FARS2: variants seen among roughly 807,000 people sequenced by gnomAD.
FARS2 encodes the protein phenylalanine--tRNA ligase, mitochondrial.
A neutral mutation model predicts 46.4 loss-of-function variants in FARS2; 40 were observed. The ratio of observed to expected loss-of-function variants is 0.86; its 90% CI spans 0.67 to 1.12. The LOEUF is 1.12. Ranked by LOEUF, FARS2 falls within the 50% of genes most tolerant of loss-of-function variation. The probability of loss-of-function intolerance (pLI) is 0.00; values close to 1 mark genes in which losing one functional copy is unlikely to be tolerated. For synonymous variants in FARS2, 234 were observed against 214.9 expected, an observed-to-expected ratio of 1.09 and a Z score of -0.78; for missense variants, 513 against 567.9, an observed-to-expected ratio of 0.90 and a Z score of 0.98.
rs568922292 is a variant in FARS2 at position 5,325,689 on chromosome 6, T to G, written c.-21-42861T>G. Among the ~76,000 whole-genome samples the G allele has an allele frequency of 1.1e-4, 16 of 152,352 alleles. No homozygotes were observed. The South Asian group carries it at 3.1e-3, about 30-fold the overall frequency. On this transcript the variant is annotated intron_variant, in intron 1 of 6. Coordinates refer to ENST00000274680, the MANE Select transcript of FARS2 (RefSeq NM_006567.5). ...TACTTGTTTATGAACATGCTTCAAT[T>G]TATCCTTTTTGATGAAAATTTTAAA...
chr6:5,532,019 T>C (rs1647349536), intron 4 of FARS2, among the ~76,000 whole-genome samples: 1 of 152,238 alleles, frequency 6.6e-6, no homozygotes, highest in African/African-American at 2.4e-5. Context: ...TTTGTGTGTA[T>C]ATTACAGTCA....
At chr6:5,377,753 C>G (rs1759476099) in intron 2 of FARS2, among the ~76,000 whole-genome samples, 1 of 152,080 alleles carries the variant, frequency 6.6e-6, no homozygotes, top group Non-Finnish European at 1.5e-5. Flanking sequence ...TTAAAGAGCT[C>G]TCCTCTGTTC....
chr6:5,387,094 G>C (rs139587182), intron 2 of FARS2, among the ~76,000 whole-genome samples: 1 of 152,184 alleles, frequency 6.6e-6, no homozygotes, highest in Non-Finnish European at 1.5e-5. Flanking sequence ...GGGGATAGTT[G>C]CAGCATGGTC....
intron 1 of FARS2, among the ~76,000 whole-genome samples, chr6:5,341,221 ATATATATATATATATTTTT>A (rs1487359228): frequency 1.0e-3 from 5 of 4,996 alleles, no homozygotes; most frequent in African/African-American, 1.6e-3. Flanking sequence ...ATATATATAT[ATATATATATATATATTTTT>A]TTTTTTTTTT....
rs398000284 is a variant in FARS2, at chr6:5,405,480, C to CTTTTTTTTTTTTTTTTTTTTT, written c.772+784_772+804dup. 2.7e-4 allele frequency among the ~76,000 whole-genome samples: 16 copies of CTTTTTTTTTTTTTTTTTTTTT among 58,954 alleles called. 3 individuals are homozygous for CTTTTTTTTTTTTTTTTTTTTT. Among genetic ancestry groups the CTTTTTTTTTTTTTTTTTTTTT allele is most frequent in the Non-Finnish European group, 3.4e-4 (11 of 32,158 alleles). 38.7% of individuals were successfully genotyped at this position (58,954 alleles called of 152,430 possible). ...AGGACGTGATCAGTGGAGCAAGGTTCTTTTTTTTTTTTTTTTTTTTTTTTT... is the reference window on the plus strand; with the variant it reads ...AGGACGTGATCAGTGGAGCAAGGTTCTTTTTTTTTTTTTTTTTTTTTTTTTTTTTTTTTTTTTTTTTTTTTT... On this transcript the variant is annotated intron_variant, in intron 3 of 6. Coordinates refer to ENST00000274680, the MANE Select transcript of FARS2 (RefSeq NM_006567.5).
intron 1 of FARS2, among the ~76,000 whole-genome samples, chr6:5,296,218 T>C (rs889962081): frequency 4.7e-5 from 6 of 127,282 alleles, no homozygotes; most frequent in Non-Finnish European, 1.6e-5. Flanking sequence ...CTCAGCTCAC[T>C]GCAAGCTCCG....
chr6:5,724,049 G>A (rs1331200159), intron 6 of FARS2, among the ~76,000 whole-genome samples: 1 of 152,238 alleles, frequency 6.6e-6, no homozygotes, highest in Non-Finnish European at 1.5e-5. Flanking sequence ...GCCCCAGTGG[G>A]TTACACGGGA....
the FARS2 span, among the ~76,000 whole-genome samples, chr6:5,254,073 G>A: frequency 2.0e-5 from 3 of 152,232 alleles, no homozygotes; most frequent in African/African-American, 7.2e-5. Flanking sequence ...CTTGAATCCC[G>A]GCAAAACTGT....
chr6:5,498,496 T>C (rs142437836), intron 4 of FARS2, among the ~76,000 whole-genome samples: 248 of 152,328 alleles, frequency 1.6e-3, no homozygotes, highest in African/African-American at 5.8e-3. Context: ...TTAAGTTGCT[T>C]GAGGGAGGAA....
In FARS2 at chr6:5,365,317, C is replaced by CTTTTTTTTTTTTTTTTTTTTT. The variant is rs61097603; in HGVS notation, c.-21-3224_-21-3204dup. On this transcript the variant is annotated intron_variant, in intron 1 of 6. Coordinates refer to ENST00000274680, the MANE Select transcript of FARS2 (RefSeq NM_006567.5). ...GACCTTTGATTGAGAAGTATACTTTCTTTTTTTTTTTTTTTTTTTTTTTTT... is the reference window on the plus strand; with the variant it reads ...GACCTTTGATTGAGAAGTATACTTTCTTTTTTTTTTTTTTTTTTTTTTTTTTTTTTTTTTTTTTTTTTTTTT... 1.2e-4 allele frequency among the ~76,000 whole-genome samples: 5 copies of CTTTTTTTTTTTTTTTTTTTTT among 42,496 alleles called. 1 individual carries two copies. The highest frequency in any genetic ancestry group is 1.7e-4 in the Non-Finnish European group (4 of 23,928). 27.9% of individuals were successfully genotyped at this position (42,496 alleles called of 152,430 possible). A position where few individuals can be genotyped will look rare whatever the true frequency, so the allele number is the denominator to read the frequency against.
intron 1 of FARS2, among the ~76,000 whole-genome samples, chr6:5,272,938 C>T (rs1766067657): frequency 6.6e-6 from 1 of 152,192 alleles, no homozygotes; most frequent in African/African-American, 2.4e-5. Context: ...GCTTATTTCA[C>T]TTAACATAAT....
chr6:5,602,670 A>ATGG (rs1554114901), intron 5 of FARS2, among the ~76,000 whole-genome samples: 3 of 137,756 alleles, frequency 2.2e-5, no homozygotes, highest in African/African-American at 7.9e-5. Flanking sequence ...AAAAAAAAAA[A>ATGG]GGGAACCTCC....
intron 6 of FARS2, among the ~76,000 whole-genome samples, chr6:5,709,125 T>C (rs78657631): frequency 1.3e-5 from 2 of 152,304 alleles, no homozygotes; most frequent in East Asian, 3.9e-4. Flanking sequence ...TCTTTTTTAA[T>C]GAGGAGAAAC....
At chr6:5,435,711 G>A (rs192142616) in intron 4 of FARS2, among the ~76,000 whole-genome samples, 112 of 152,220 alleles carry the variant, frequency 7.4e-4, no homozygotes, top group African/African-American at 2.4e-3. Context: ...GGAGCACCGC[G>A]TCCAAAACCA....
intron 5 of FARS2, among the ~76,000 whole-genome samples, chr6:5,558,225 A>G (rs867441614): frequency 6.6e-6 from 1 of 152,180 alleles, no homozygotes; most frequent in Admixed American, 6.5e-5. Context: ...TCAGAGGCTC[A>G]TTCTGCTCCT....
rs367600663 is a variant in FARS2, at chr6:5,549,468, G to A, written c.1065+4128G>A. Among the ~76,000 whole-genome samples, 38 of 152,118 alleles carry A rather than the reference G, an allele frequency of 2.5e-4. No individual in the cohort carries two copies. The South Asian group carries it at 6.4e-3, about 26-fold the overall frequency. ...GTCCTTGTGAACTGTCACCTTTTCC[G>A]GCTTTTAAAGGCCATCCTCAGTCCT... On this transcript the variant is annotated intron_variant, in intron 5 of 6. Transcript: ENST00000274680.
chr6:5,485,490 G>A (rs200193), intron 4 of FARS2, among the ~76,000 whole-genome samples: 1,728 of 146,990 alleles, frequency 0.012, 36 homozygotes, highest in African/African-American at 0.04. Context: ...GATTTAAAGT[G>A]GGGGGGACTG....
intron 4 of FARS2, among the ~76,000 whole-genome samples, chr6:5,448,470 T>TG (rs1232999839): frequency 1.1e-4 from 7 of 65,262 alleles, no homozygotes; most frequent in Admixed American, 9.5e-4. Context: ...ACATTTTTTC[T>TG]GTTTTTTTTT....
intron 2 of FARS2, among the ~76,000 whole-genome samples, chr6:5,386,769 C>G (rs1192875117): frequency 6.6e-6 from 1 of 152,130 alleles, no homozygotes; most frequent in Admixed American, 6.5e-5. Flanking sequence ...GGGGTAGGGA[C>G]AGGAGAGAGA....
Sources: gnomAD v4.1 joint callset for allele counts (sites outside exome capture counted in the v4.1 genomes callset) on GRCh38, gnomAD v4.1.1 for gene constraint, MANE v1.5 for transcripts, NCBI Gene and HGNC (gene_info 2026-07-23, HGNC 2026-07-21) for gene names.